Variants in CFAP20DC observed in about 807,000 individuals in gnomAD.
CFAP20DC encodes protein CFAP20DC.
Under a neutral mutation model 101.7 loss-of-function variants are expected in CFAP20DC, and 84 were observed. The ratio of observed to expected loss-of-function variants is 0.83; its 90% CI spans 0.69 to 0.99. The LOEUF (loss-of-function observed/expected upper bound fraction) is 0.99, where lower values mean the gene tolerates loss of function less well. Ranked by LOEUF, CFAP20DC falls within the 50% of genes least tolerant of loss-of-function variation. The probability of loss-of-function intolerance (pLI) is 0.00; values close to 1 mark genes in which losing one functional copy is unlikely to be tolerated. For synonymous variants in CFAP20DC, 359 were observed against 351.2 expected (o/e 1.02, Z -0.25); for missense variants, 1,007 against 970.3 (o/e 1.04, Z -0.50).
chr3:58,935,818 C>A (rs1211822933), intron 5 of CFAP20DC, among the ~76,000 whole-genome samples: 1 of 152,128 alleles, frequency 6.6e-6, no homozygotes, highest in African/African-American at 2.4e-5. Context: ...ACCATAAAAA[C>A]CCTAGAAGAA....
intron 16 of CFAP20DC, among the ~76,000 whole-genome samples, chr3:58,752,272 C>A (rs1322143457): frequency 2.0e-5 from 3 of 151,950 alleles, no homozygotes; most frequent in African/African-American, 4.8e-5. Flanking sequence ...AACTACAAAC[C>A]ACCCAAGCAT....
chr3:58,955,345 C>T (rs1322120017), intron 4 of CFAP20DC, among the ~76,000 whole-genome samples: 3 of 152,134 alleles, frequency 2.0e-5, no homozygotes, highest in Non-Finnish European at 2.9e-5. Flanking sequence ...TCACTGATGC[C>T]ACCCCTCCCC....
At chr3:58,809,985 A>G (rs1220830457) in intron 14 of CFAP20DC, among the ~76,000 whole-genome samples, 1 of 152,038 alleles carries the variant, frequency 6.6e-6, no homozygotes, top group East Asian at 1.9e-4. Context: ...CACATACACC[A>G]TCCCACGACT....
At chr3:58,753,997 A>ATC (rs2068751606) in intron 15 of CFAP20DC, 134 bp from the exon 16 acceptor site, 5 of 603,046 alleles carry the variant, frequency 8.3e-6, no homozygotes, top group Non-Finnish European at 1.5e-5. Context: ...AGAAAGACAG[A>ATC]TGTCCAGATA....
intron 4 of CFAP20DC, among the ~76,000 whole-genome samples, chr3:58,945,861 T>A (rs1399227973): frequency 6.6e-6 from 1 of 151,688 alleles, no homozygotes; most frequent in Non-Finnish European, 1.5e-5. Flanking sequence ...CATACCCAGC[T>A]AATTTTTGTA....
chr3:59,046,189 G>T, intron 3 of CFAP20DC, 40 bp downstream of exon 3: 1 of 1,335,144 alleles, frequency 7.5e-7, no homozygotes, highest in Non-Finnish European at 1.0e-6. Context: ...AGAACTTTGA[G>T]TACAAAATGT....
At chr3:58,810,706 C>A (rs1378972602) in intron 14 of CFAP20DC, among the ~76,000 whole-genome samples, 1 of 147,926 alleles carries the variant, frequency 6.8e-6, no homozygotes, top group Non-Finnish European at 1.5e-5. Flanking sequence ...CTGGCCAGGG[C>A]AATTAGGCAG....
chr3:58,743,364 T>G (rs61687824), intron 16 of CFAP20DC, among the ~76,000 whole-genome samples: 77 of 152,162 alleles, frequency 5.1e-4, no homozygotes, highest in Non-Finnish European at 8.5e-4. Context: ...CAAAAGTGAG[T>G]GCATTCTGAG....
intron 4 of CFAP20DC, among the ~76,000 whole-genome samples, chr3:59,028,211 G>T (rs1380985261): frequency 1.3e-5 from 2 of 152,062 alleles, no homozygotes; most frequent in Non-Finnish European, 2.9e-5. Context: ...TACAATTTTT[G>T]ATCTTAAAGA....
intron 14 of CFAP20DC, among the ~76,000 whole-genome samples, chr3:58,817,024 C>G (rs28816090): frequency 0.12 from 18,188 of 151,996 alleles, 1,990 homozygotes; most frequent in East Asian, 0.35. Flanking sequence ...CCCCCAGCAG[C>G]AGCACACTGA....
chr3:59,009,484 A>G (rs74697287), intron 4 of CFAP20DC, among the ~76,000 whole-genome samples: 3,245 of 135,558 alleles, frequency 0.024, 111 homozygotes, highest in African/African-American at 0.074. Context: ...AACAATCACA[A>G]CTTCTGGAAT....
chr3:58,843,015 A>C (rs1450503397), intron 13 of CFAP20DC, among the ~76,000 whole-genome samples: 1 of 152,210 alleles, frequency 6.6e-6, no homozygotes, highest in South Asian at 2.1e-4. Context: ...CCATCTGTAC[A>C]TCACCATCGT....
intron 16 of CFAP20DC, among the ~76,000 whole-genome samples, chr3:58,749,924 T>C (rs778066582): frequency 6.6e-6 from 1 of 152,188 alleles, no homozygotes; most frequent in Non-Finnish European, 1.5e-5. Context: ...TTTTAGTAAG[T>C]GTTAAGGGCA....
At position 58,863,195 on chromosome 3, in the gene CFAP20DC, C is replaced by T. The variant is rs1387148697; in HGVS notation, c.1593+363G>A. 3.4e-6 allele frequency: 4 copies of T among 1,160,502 alleles called. No homozygotes were observed. The African/African-American group carries it at 4.8e-5, about 14-fold the overall frequency. The allele number at this position is 1,160,502 out of a possible 1,614,324, so 71.9% of individuals were successfully genotyped here. A position where few individuals can be genotyped will look rare whatever the true frequency, so the allele number is the denominator to read the frequency against. On this transcript the variant is annotated intron_variant, in intron 12 of 16. Transcript: ENST00000482387. The surrounding 1 kb of genome is among the most constrained non-coding windows in gnomAD (Gnocchi z 5.9). Reference sequence around the variant, plus strand: ...AATTTAGAATGCTTAGCAACTGCAACACAATTTCTCCAGAGATCTAGAACA... The same window carrying T: ...AATTTAGAATGCTTAGCAACTGCAATACAATTTCTCCAGAGATCTAGAACA...
At chr3:58,895,165 T>A (rs1037188833) in intron 6 of CFAP20DC, among the ~76,000 whole-genome samples, 1 of 152,262 alleles carries the variant, frequency 6.6e-6, no homozygotes, top group Non-Finnish European at 1.5e-5. Context: ...GGGGTTAACA[T>A]TCAGCTCCTC....
At position 58,863,382 on chromosome 3, in the gene CFAP20DC, AAGAC is replaced by A. The variant is rs2108468010; in HGVS notation, c.1593+172_1593+175del. ...GCTGACTGTTAATTAAAAAAAAAAA[AAGAC>A]AGTTTAAAGTTACCATAACAACCTG... On this transcript the variant is annotated intron_variant, in intron 12 of 16. Transcript: ENST00000482387. The surrounding 1 kb of genome is among the most constrained non-coding windows in gnomAD (Gnocchi z 5.9). The A allele has an allele frequency of 5.0e-6, 7 of 1,390,896 alleles. No homozygotes were observed. Among genetic ancestry groups the A allele is most frequent in the Non-Finnish European group, 6.5e-6 (7 of 1,077,222 alleles). The allele number at this position is 1,390,896 out of a possible 1,614,324, so 86.2% of individuals were successfully genotyped here.
At position 58,964,143 on chromosome 3, in the gene CFAP20DC, C is replaced by T. The variant is rs1382386981; in HGVS notation, c.279-26381G>A. Among the ~76,000 whole-genome samples, 1 of 152,192 alleles carries T rather than the reference C, an allele frequency of 6.6e-6. No homozygotes were observed. The highest frequency in any genetic ancestry group is 2.4e-5 in the African/African-American group (1 of 41,432). On this transcript the variant is annotated intron_variant, in intron 4 of 16. Transcript: ENST00000482387. This position sits in a 1 kb window ranked among gnomAD's most constrained non-coding sequence, Gnocchi z 4.1. ...TGAAGCAGCTGCAGCTTGCCAACCA[C>T]CAGACACTTTCTGAGTTCCTTATTC...
Position 59,002,811 on chromosome 3 carries a change from G to T in CFAP20DC, c.278+36746C>A, listed in dbSNP as rs538111760. Among the ~76,000 whole-genome samples, 1 of 152,294 alleles carries T rather than the reference G, an allele frequency of 6.6e-6. No individual in the cohort carries two copies. The highest frequency in any genetic ancestry group is 2.1e-4 in the South Asian group (1 of 4,826). On this transcript the variant is annotated intron_variant, in intron 4 of 16. Coordinates refer to ENST00000482387, the MANE Select transcript of CFAP20DC (RefSeq NM_001394063.1). The surrounding 1 kb of genome is among the most constrained non-coding windows in gnomAD (Gnocchi z 4.5). ...CTTCTTTTAACAAGAACTAGTATTT[G>T]CCTAGTTTGAAAAGCACTTCTTATC...
At position 58,812,887 on chromosome 3, in the gene CFAP20DC, T is replaced by C. The variant is rs1192548145; in HGVS notation, c.2176-6431A>G. Among the ~76,000 whole-genome samples the C allele has an allele frequency of 2.0e-5, 3 of 151,830 alleles. 1 individual carries two copies. The highest frequency in any genetic ancestry group is 7.3e-5 in the African/African-American group (3 of 41,190). On this transcript the variant is annotated intron_variant, in intron 14 of 16. Coordinates refer to ENST00000482387, the MANE Select transcript of CFAP20DC (RefSeq NM_001394063.1). Reference sequence around the variant, plus strand: ...GTTCATGTATTGAAATTTTCCTCTTTGTGGAATTTTTATGCTGTTAACATT... The same window carrying C: ...GTTCATGTATTGAAATTTTCCTCTTCGTGGAATTTTTATGCTGTTAACATT...
Sources: gnomAD v4.1 joint callset for allele counts (sites outside exome capture counted in the v4.1 genomes callset) on GRCh38, gnomAD v4.1.1 for gene constraint, Gnocchi (gnomAD v3.1) non-coding constraint, MANE v1.5 for transcripts, NCBI Gene and HGNC (gene_info 2026-07-23, HGNC 2026-07-21) for gene names.